Variants in CFAP61 observed in about 807,000 individuals in gnomAD.
CFAP61 encodes the protein cilia- and flagella-associated protein 61.
A neutral mutation model predicts 135.6 loss-of-function variants in CFAP61; 107 were observed. The ratio of observed to expected loss-of-function variants is 0.79; its 90% CI spans 0.67 to 0.93. The LOEUF is 0.93. Ranked by LOEUF, CFAP61 falls within the 40% of genes least tolerant of loss-of-function variation. The pLI, the probability that CFAP61 is intolerant of heterozygous loss-of-function variation, is 0.00. For missense variants in CFAP61, 1,507 were observed against 1,556.2 expected, an observed-to-expected ratio of 0.97 and a Z score of 0.53; for synonymous variants, 575 against 578.5, an observed-to-expected ratio of 0.99 and a Z score of 0.09.
At chr20:20,188,550 G>T (rs2146868370) in intron 14 of CFAP61, among the ~76,000 whole-genome samples, 1 of 152,282 alleles carries the variant, frequency 6.6e-6, no homozygotes, top group Admixed American at 6.5e-5. Flanking sequence ...GGCTGGGAAA[G>T]ATCCTGCATG....
intron 25 of CFAP61, among the ~76,000 whole-genome samples, chr20:20,306,445 T>C (rs987357729): frequency 3.9e-5 from 6 of 152,216 alleles, no homozygotes; most frequent in Non-Finnish European, 8.8e-5. Flanking sequence ...TGATTTCAAG[T>C]GCCTCAGTCT....
chr20:20,183,276 C>G lies in CFAP61; in HGVS notation c.1386-4654C>G, dbSNP rs1344526726. On this transcript the variant is annotated intron_variant, in intron 13 of 26. Coordinates refer to ENST00000245957, the MANE Select transcript of CFAP61 (RefSeq NM_015585.4). ...TTCTGGGTTCAAGTGATTCTAGTGC[C>G]TTGGCCAACCAAGTAGCTGGGATTA... Among the ~76,000 whole-genome samples the G allele has an allele frequency of 8.5e-5, 13 of 152,136 alleles. No individual in the cohort carries two copies. In the East Asian group the frequency reaches 2.5e-3, roughly 29 times the overall value.
chr20:20,086,525 T>C (rs2046815744), intron 6 of CFAP61, among the ~76,000 whole-genome samples: 1 of 152,046 alleles, frequency 6.6e-6, no homozygotes, highest in Non-Finnish European at 1.5e-5. Flanking sequence ...TTTGCCGGTT[T>C]CTTAGTCAGT....
chr20:20,277,044 C>T, intron 21 of CFAP61, 122 bp from the exon 22 acceptor site: 1 of 725,128 alleles, frequency 1.4e-6, no homozygotes, highest in Non-Finnish European at 2.2e-6. Flanking sequence ...TAGGTAACAC[C>T]GCTGGCTTCC....
intron 8 of CFAP61, among the ~76,000 whole-genome samples, chr20:20,123,740 T>C (rs952709652): frequency 6.6e-6 from 1 of 151,706 alleles, no homozygotes; most frequent in African/African-American, 2.4e-5. Flanking sequence ...ATATGAATTT[T>C]AGAATTGTAT....
rs775929345 is a variant in CFAP61, at chr20:20,277,234, G to A, written c.2572G>A (p.Val858Met). 3.7e-6 allele frequency: 6 copies of A among 1,613,386 alleles called. No individual in the cohort carries two copies. In the African/African-American group the frequency reaches 6.7e-5, roughly 18 times the overall value. ...TTVETLLNLG[V>M]SGSRIHLVQP... ...CGTGGAGACGCTCTTAAACCTTGGC[G>A]TGAGCGGCAGCCGCATCCACCTCGT... is the stretch of plus-strand genomic sequence containing the variant. Residue 858 changes from valine to methionine, a missense_variant, in exon 22 of 27, where the codon GTG (valine) becomes ATG (methionine). Val to Met is a conservative substitution (Grantham distance 21). Coordinates refer to ENST00000245957, the MANE Select transcript of CFAP61 (RefSeq NM_015585.4).
chr20:20,122,291 G>T (rs1446065391), intron 8 of CFAP61, among the ~76,000 whole-genome samples: 1 of 152,082 alleles, frequency 6.6e-6, no homozygotes, highest in Non-Finnish European at 1.5e-5. Flanking sequence ...GAGCAGCTGG[G>T]ACTACAGGGG....
intron 25 of CFAP61, among the ~76,000 whole-genome samples, chr20:20,301,986 A>T (rs1260347551): frequency 6.6e-6 from 1 of 152,230 alleles, no homozygotes; most frequent in Non-Finnish European, 1.5e-5. Flanking sequence ...TTAGGCAAGA[A>T]TTGACATATT....
intron 17 of CFAP61, among the ~76,000 whole-genome samples, chr20:20,214,603 A>G (rs1348993627): frequency 6.6e-6 from 1 of 152,212 alleles, no homozygotes; most frequent in Non-Finnish European, 1.5e-5. Context: ...CTCCCCAACA[A>G]TGGAGGAAGC....
chr20:20,122,404 C>G (rs73605592), intron 8 of CFAP61, among the ~76,000 whole-genome samples: 14,982 of 152,172 alleles, frequency 0.098, 1,554 homozygotes, highest in East Asian at 0.6. Context: ...ATCTTCCCGC[C>G]TCAGCCTCCC....
At chr20:20,118,253 G>GTTTGTTTGTTTGTTTCTTTC (rs1555872842) in intron 8 of CFAP61, among the ~76,000 whole-genome samples, 3 of 138,532 alleles carry the variant, frequency 2.2e-5, no homozygotes, top group African/African-American at 8.2e-5. Context: ...TTTGAGGTAT[G>GTTTGTTTGTTTGTTTCTTTC]TTTCTTTCTT....
chr20:20,255,133 G>C (rs187773211), intron 20 of CFAP61, among the ~76,000 whole-genome samples: 48 of 152,290 alleles, frequency 3.2e-4, no homozygotes, highest in Non-Finnish European at 5.9e-4. Flanking sequence ...TGAAGATTTA[G>C]CTGGCTCACT....
chr20:20,098,838 C>T lies in CFAP61; in HGVS notation c.859+24C>T, dbSNP rs778060276. 3.1e-6 allele frequency: 5 copies of T among 1,596,264 alleles called. No individual in the cohort carries two copies. In the African/African-American group the frequency reaches 5.4e-5, roughly 17 times the overall value. Reference sequence around the variant, plus strand: ...AGGTACAGTGGCTATCACAGGGACACACTGGGAAATTAAATCTATGCTTTA... The same window carrying T: ...AGGTACAGTGGCTATCACAGGGACATACTGGGAAATTAAATCTATGCTTTA... On this transcript the variant is annotated intron_variant, in intron 8 of 26. Transcript: ENST00000245957.
At chr20:20,188,237 G>T (rs1020822062) in intron 14 of CFAP61, among the ~76,000 whole-genome samples, 181 bp downstream of exon 14, 7 of 152,172 alleles carry the variant, frequency 4.6e-5, no homozygotes, top group Non-Finnish European at 1.0e-4. Flanking sequence ...GAGGAAGTGA[G>T]ACCATTCTCA....
At chr20:20,107,803 A>T (rs1317807079) in intron 8 of CFAP61, 6 of 151,832 alleles carry the variant, frequency 4.0e-5, no homozygotes, top group African/African-American at 1.2e-4. Flanking sequence ...TAATTTTTAC[A>T]TTTTTTTGGA....
At chr20:20,294,507 C>A (rs1030151265) in intron 24 of CFAP61, among the ~76,000 whole-genome samples, 2 of 152,242 alleles carry the variant, frequency 1.3e-5, no homozygotes, top group East Asian at 3.8e-4. Flanking sequence ...ACCTCCTCAT[C>A]GCTTTCTCTA....
At chr20:20,350,364 C>G (rs1485743022) in intron 26 of CFAP61, among the ~76,000 whole-genome samples, 2 of 152,254 alleles carry the variant, frequency 1.3e-5, no homozygotes, top group Non-Finnish European at 2.9e-5. Flanking sequence ...CGTGGTGGTT[C>G]ACACCTGTAA....
rs1287666917 is a variant in CFAP61 at position 20,296,053 on chromosome 20, TC to T, written c.3217-2125del. 1.4e-3 allele frequency among the ~76,000 whole-genome samples: 25 copies of T among 18,478 alleles called. 3 individuals carry two copies. Among genetic ancestry groups the T allele is most frequent in the Admixed American group, 4.1e-3 (7 of 1,724 alleles). 12.1% of individuals were successfully genotyped at this position (18,478 alleles called of 152,430 possible). ...TTCTTTTCTTCCTCCCTCCCTTCCT[TC>T]CCTTCCTTCCCTTCCTTCCCTCCTT... On this transcript the variant is annotated intron_variant, in intron 24 of 26. Coordinates refer to ENST00000245957, the MANE Select transcript of CFAP61 (RefSeq NM_015585.4).
At chr20:20,164,003 G>A in intron 10 of CFAP61, 47 bp from the exon 11 acceptor site, 2 of 1,494,266 alleles carry the variant, frequency 1.3e-6, no homozygotes, top group Non-Finnish European at 1.8e-6. Context: ...CTAAATTACA[G>A]GGCATTGACA....
Sources: gnomAD v4.1 joint callset for allele counts (sites outside exome capture counted in the v4.1 genomes callset) on GRCh38, gnomAD v4.1.1 for gene constraint, MANE v1.5 for transcripts, NCBI Gene and HGNC (gene_info 2026-07-23, HGNC 2026-07-21) for gene names.